ATP10A: variants seen among roughly 807,000 people sequenced by gnomAD.
ATP10A encodes the protein phospholipid-transporting ATPase VA.
A neutral mutation model predicts 147.8 loss-of-function variants in ATP10A; 111 were observed. The observed-to-expected ratio is 0.75, with a 90% CI of 0.64 to 0.88. The LOEUF (loss-of-function observed/expected upper bound fraction) is 0.88, where lower values mean the gene tolerates loss of function less well. Among genes scored for constraint, ATP10A ranks in the 40% least tolerant of loss-of-function variants. The pLI, the probability that ATP10A is intolerant of heterozygous loss-of-function variation, is 0.00. For synonymous variants in ATP10A, 875 were observed against 841.6 expected (o/e 1.04, Z -0.69); for missense variants, 1,927 against 1,959.0 (o/e 0.98, Z 0.31).
chr15:25,788,434 C>T (rs1040485498), intron 1 of ATP10A, among the ~76,000 whole-genome samples: 9 of 152,204 alleles, frequency 5.9e-5, no homozygotes, highest in Admixed American at 1.3e-4. Flanking sequence ...CCCATTTCCC[C>T]GTAGCCCTCT....
chr15:25,705,223 G>A (rs566560182), intron 12 of ATP10A, among the ~76,000 whole-genome samples: 146 of 151,916 alleles, frequency 9.6e-4, no homozygotes, highest in African/African-American at 3.0e-3. Context: ...GGAGGATCAC[G>A]TTAAACCAGG....
intron 1 of ATP10A, among the ~76,000 whole-genome samples, chr15:25,805,637 G>A (rs573452035): frequency 6.6e-6 from 1 of 152,180 alleles, no homozygotes; most frequent in Non-Finnish European, 1.5e-5. Flanking sequence ...TTGGAGGGGT[G>A]TGTCTGTCTT....
At chr15:25,831,495 T>TA (rs2140871277) in intron 1 of ATP10A, among the ~76,000 whole-genome samples, 1 of 152,316 alleles carries the variant, frequency 6.6e-6, no homozygotes, top group South Asian at 2.1e-4. Flanking sequence ...TTGTGGAGTG[T>TA]AAATGACTGC....
rs1900145466 is a variant in ATP10A at position 25,693,485 on chromosome 15, A to T, written c.3088+1334T>A. 3.3e-5 allele frequency among the ~76,000 whole-genome samples: 5 copies of T among 152,362 alleles called. No homozygotes were observed. In the South Asian group the frequency reaches 1.0e-3, roughly 32 times the overall value. On this transcript the variant is annotated intron_variant, in intron 14 of 20. Transcript: ENST00000555815. ...GGCAGGCACTGGCCAGGCCAGGGAA[A>T]CATCATTCACGTCTTACTGTGTACT...
At chr15:25,767,238 G>A (rs767534675) in intron 2 of ATP10A, among the ~76,000 whole-genome samples, 22 of 152,172 alleles carry the variant, frequency 1.4e-4, no homozygotes, top group African/African-American at 4.1e-4. Flanking sequence ...GCAGCAGAAC[G>A]TAGGGCTTCC....
intron 12 of ATP10A, among the ~76,000 whole-genome samples, chr15:25,706,047 A>AG (rs1295920967): frequency 1.3e-5 from 2 of 152,226 alleles, no homozygotes; most frequent in African/African-American, 4.8e-5. Context: ...CTCCAATCAG[A>AG]GGAAGTGGAA....
chr15:25,702,099 A>G lies in ATP10A; in HGVS notation c.2577T>C (p.Gly859=). Reference sequence around the variant, plus strand: ...GCAGGCGGTCTTCAATCCCAGTGGCACCTGGTCAAATGCACAGCAGTGTGA... The same window carrying G: ...GCAGGCGGTCTTCAATCCCAGTGGCGCCTGGTCAAATGCACAGCAGTGTGA... ...IRLETNLHLL[G]ATGIEDRLQD... Residue 859 remains glycine, a splice_region_variant and synonymous_variant, in exon 13 of 21, where the codon GGT becomes GGC. Transcript: ENST00000555815. 2 of 1,610,236 alleles carry G rather than the reference A, an allele frequency of 1.2e-6. No individual in the cohort carries two copies. Among genetic ancestry groups the G allele is most frequent in the Non-Finnish European group, 1.7e-6 (2 of 1,178,116 alleles).
At chr15:25,757,302 G>GT (rs1888468509) in intron 2 of ATP10A, among the ~76,000 whole-genome samples, 1 of 151,944 alleles carries the variant, frequency 6.6e-6, no homozygotes, top group African/African-American at 2.4e-5. Flanking sequence ...TAAAATATTG[G>GT]TAAGTGACAA....
At chr15:25,755,349 G>C (rs1227378426) in intron 2 of ATP10A, among the ~76,000 whole-genome samples, 1 of 152,126 alleles carries the variant, frequency 6.6e-6, no homozygotes. Flanking sequence ...ATGAATGAAA[G>C]GGGCACACTG....
chr15:25,719,234 G>A (rs764226526), intron 7 of ATP10A, among the ~76,000 whole-genome samples: 17 of 152,186 alleles, frequency 1.1e-4, no homozygotes, highest in East Asian at 5.8e-4. Flanking sequence ...TCAAGAGGCC[G>A]GAGAAGGAGA....
intron 2 of ATP10A, among the ~76,000 whole-genome samples, chr15:25,751,692 T>G (rs1457578787): frequency 1.3e-5 from 2 of 152,096 alleles, no homozygotes; most frequent in South Asian, 4.2e-4. Flanking sequence ...CAATTAACAG[T>G]GTGCAGAGAC....
At chr15:25,789,033 C>CTGCA (rs1324377801) in intron 1 of ATP10A, among the ~76,000 whole-genome samples, 2 of 152,180 alleles carry the variant, frequency 1.3e-5, no homozygotes, top group Non-Finnish European at 2.9e-5. Context: ...TGATAGCTCA[C>CTGCA]TGCAGCCTCC....
chr15:25,709,824 C>T (rs1289545272), intron 10 of ATP10A: 1 of 152,548 alleles, frequency 6.6e-6, no homozygotes, highest in Non-Finnish European at 1.5e-5. Flanking sequence ...TCCTGCCGCA[C>T]CTACCACTGG....
At chr15:25,837,516 T>C (rs904048203) in intron 1 of ATP10A, among the ~76,000 whole-genome samples, 2 of 152,044 alleles carry the variant, frequency 1.3e-5, no homozygotes, top group Non-Finnish European at 2.9e-5. Context: ...GCGGAGACGG[T>C]AGTCACAGGG....
At chr15:25,812,087 G>T (rs1228001544) in intron 1 of ATP10A, among the ~76,000 whole-genome samples, 2 of 152,230 alleles carry the variant, frequency 1.3e-5, no homozygotes, top group Non-Finnish European at 2.9e-5. Flanking sequence ...GTTTATAGCG[G>T]CAAAGATGGC....
chr15:25,676,106 G>A (rs1171760875), downstream of ATP10A, among the ~76,000 whole-genome samples: 1 of 152,194 alleles, frequency 6.6e-6, no homozygotes, highest in Admixed American at 6.5e-5. Flanking sequence ...GCAGTGGCAG[G>A]GTGAACACTT....
At chr15:25,849,656 C>T (rs781270202) in intron 1 of ATP10A, among the ~76,000 whole-genome samples, 1 of 152,146 alleles carries the variant, frequency 6.6e-6, no homozygotes, top group Non-Finnish European at 1.5e-5. Flanking sequence ...AGGAGCACGG[C>T]GCAGCTGCAG....
intron 2 of ATP10A, among the ~76,000 whole-genome samples, chr15:25,756,848 G>T (rs1054884953): frequency 7.2e-5 from 11 of 152,128 alleles, no homozygotes; most frequent in Non-Finnish European, 1.5e-4. Context: ...TAACTTTAGG[G>T]TTTTTGCTTA....
intron 13 of ATP10A, among the ~76,000 whole-genome samples, chr15:25,701,257 A>G (rs144859097): frequency 0.011 from 1,631 of 152,318 alleles, 16 homozygotes; most frequent in African/African-American, 0.025. Flanking sequence ...GGGGACTCCC[A>G]AGCGACAAAG....
Sources: gnomAD v4.1 joint callset for allele counts (sites outside exome capture counted in the v4.1 genomes callset) on GRCh38, gnomAD v4.1.1 for gene constraint, MANE v1.5 for transcripts, NCBI Gene and HGNC (gene_info 2026-07-23, HGNC 2026-07-21) for gene names.